CDH12: variants seen among roughly 807,000 people sequenced by gnomAD.
CDH12 encodes the protein cadherin-12.
In CDH12, 41 loss-of-function variants were observed where a neutral mutation model predicts 74.1. The observed-to-expected ratio is 0.55, with a 90% CI of 0.43 to 0.72. CDH12 has a LOEUF of 0.72. Ranked by LOEUF, CDH12 falls within the 30% of genes least tolerant of loss-of-function variation. CDH12 has a pLI of 0.00. For synonymous variants in CDH12, 399 were observed against 355.0 expected (o/e 1.12, Z -1.39); for missense variants, 945 against 977.2 (o/e 0.97, Z 0.44).
chr5:21,990,708 C>T (rs1054148976), intron 5 of CDH12, among the ~76,000 whole-genome samples: 15 of 151,536 alleles, frequency 9.9e-5, no homozygotes, highest in Admixed American at 5.3e-4. Context: ...TGTGTCTAAA[C>T]CCACTTTAAT....
intron 1 of CDH12, among the ~76,000 whole-genome samples, chr5:22,794,476 G>C (rs1748086700): frequency 6.6e-6 from 1 of 152,148 alleles, no homozygotes; most frequent in African/African-American, 2.4e-5. Flanking sequence ...TGGGTCCACA[G>C]TCAAATATGT....
At chr5:21,971,821 C>T (rs1389350085) in intron 6 of CDH12, among the ~76,000 whole-genome samples, 2 of 152,002 alleles carry the variant, frequency 1.3e-5, no homozygotes, top group South Asian at 2.1e-4. Context: ...AAGTAATTTC[C>T]GGAGGTCAGA....
At chr5:22,275,499 C>T (rs556383317) in intron 3 of CDH12, among the ~76,000 whole-genome samples, 83 of 151,924 alleles carry the variant, frequency 5.5e-4, no homozygotes, top group African/African-American at 1.7e-3. Flanking sequence ...CTTTACTTAG[C>T]GGTAAAGAGA....
At chr5:21,835,359 A>ATG (rs1262545158) in intron 8 of CDH12, among the ~76,000 whole-genome samples, 28 of 149,218 alleles carry the variant, frequency 1.9e-4, no homozygotes, top group African/African-American at 6.9e-4. Context: ...TATGTTACGT[A>ATG]TGTGTGTGTA....
chr5:21,817,816 TA>T (rs1748146363), intron 8 of CDH12, among the ~76,000 whole-genome samples: 1 of 150,946 alleles, frequency 6.6e-6, no homozygotes, highest in East Asian at 2.0e-4. Flanking sequence ...TTAATAGCAT[TA>T]AGAAAGAAAA....
At chr5:22,399,918 C>A (rs750936443) in intron 3 of CDH12, among the ~76,000 whole-genome samples, 10 of 152,164 alleles carry the variant, frequency 6.6e-5, no homozygotes, top group Non-Finnish European at 1.3e-4. Context: ...CCAACAAAAT[C>A]TCTTAAAATA....
intron 5 of CDH12, among the ~76,000 whole-genome samples, chr5:21,989,169 T>C (rs1390334229): frequency 1.3e-5 from 2 of 152,188 alleles, no homozygotes; most frequent in Non-Finnish European, 2.9e-5. Context: ...CACAAGATTG[T>C]CAACAATAAG....
chr5:22,577,244 G>A (rs994667058), intron 1 of CDH12, among the ~76,000 whole-genome samples: 3 of 152,200 alleles, frequency 2.0e-5, no homozygotes, highest in Non-Finnish European at 4.4e-5. Context: ...AGCATGCAAA[G>A]TGTGTGGGAA....
chr5:21,927,329 T>C (rs1754629849), intron 6 of CDH12, among the ~76,000 whole-genome samples: 1 of 152,052 alleles, frequency 6.6e-6, no homozygotes, highest in Non-Finnish European at 1.5e-5. Flanking sequence ...CTCACGCCTG[T>C]AATCCTAACA....
rs1748640363 is a variant in CDH12, at chr5:22,165,620, A to G, written c.-187+46878T>C. Reference sequence around the variant, plus strand: ...GAGGCCTTTGAACCACAGCAACTCCATCTTGAGTAGGGGCTGGGTAAAATA... The same window carrying G: ...GAGGCCTTTGAACCACAGCAACTCCGTCTTGAGTAGGGGCTGGGTAAAATA... On this transcript the variant is annotated intron_variant, in intron 4 of 14. Coordinates refer to ENST00000382254, the MANE Select transcript of CDH12 (RefSeq NM_004061.5). Among the ~76,000 whole-genome samples, 3 of 152,160 alleles carry G rather than the reference A, an allele frequency of 2.0e-5. No individual in the cohort carries two copies. In the South Asian group the frequency reaches 6.2e-4, roughly 32 times the overall value.
intron 6 of CDH12, among the ~76,000 whole-genome samples, chr5:21,973,455 T>C (rs190977680): frequency 9.3e-4 from 142 of 152,308 alleles, no homozygotes; most frequent in African/African-American, 3.2e-3. Flanking sequence ...CCAAATATAT[T>C]TCTCTCTTTG....
At chr5:22,390,368 A>T (rs1352334737) in intron 3 of CDH12, among the ~76,000 whole-genome samples, 2 of 152,232 alleles carry the variant, frequency 1.3e-5, no homozygotes, top group African/African-American at 4.8e-5. Flanking sequence ...TCAAATGATC[A>T]TAATTTTTGT....
intron 4 of CDH12, among the ~76,000 whole-genome samples, chr5:22,196,105 G>C (rs113573378): frequency 6.6e-6 from 1 of 151,270 alleles, no homozygotes; most frequent in Non-Finnish European, 1.5e-5. Flanking sequence ...GTGGGTGTGT[G>C]TGCATATGTG....
chr5:22,331,740 T>C (rs770300538), intron 3 of CDH12, among the ~76,000 whole-genome samples: 14 of 152,172 alleles, frequency 9.2e-5, no homozygotes, highest in Non-Finnish European at 2.1e-4. Context: ...GCTGTTTTGA[T>C]GAAACTCAAA....
chr5:21,955,334 A>G (rs974317020), intron 6 of CDH12, among the ~76,000 whole-genome samples: 1 of 151,954 alleles, frequency 6.6e-6, no homozygotes, highest in African/African-American at 2.4e-5. Context: ...TAATTAGAAA[A>G]AGGCAAATTA....
chr5:22,393,288 C>A (rs1414415859), intron 3 of CDH12, among the ~76,000 whole-genome samples: 1 of 152,040 alleles, frequency 6.6e-6, no homozygotes, highest in Non-Finnish European at 1.5e-5. Flanking sequence ...TGGCCATAAG[C>A]CAAGGAAGTC....
intron 5 of CDH12, among the ~76,000 whole-genome samples, chr5:22,009,119 A>G (rs1040123403): frequency 2.6e-5 from 4 of 152,216 alleles, no homozygotes; most frequent in Non-Finnish European, 5.9e-5. Flanking sequence ...TTCTAATGCC[A>G]TCAAGAGAAC....
At chr5:22,827,989 A>G (rs1039883361) in intron 1 of CDH12, among the ~76,000 whole-genome samples, 2 of 152,206 alleles carry the variant, frequency 1.3e-5, no homozygotes, top group Non-Finnish European at 2.9e-5. Context: ...GTAAAATAAT[A>G]TGGGCATTTG....
rs113750015 is a variant in CDH12 at position 21,916,510 on chromosome 5, A to AT, written c.526+58580dup. On this transcript the variant is annotated intron_variant, in intron 6 of 14. Transcript: ENST00000382254. ...TCAAAACTTCATTTTCATTTTTTCC[A>AT]TTTTTTTTTTTCTTGGCAGATTAGG... is the stretch of plus-strand genomic sequence containing the variant. Among the ~76,000 whole-genome samples, 376 of 19,434 alleles carry AT rather than the reference A, an allele frequency of 0.019. No homozygotes were observed. In the Middle Eastern group the frequency reaches 0.2, roughly 10 times the overall value. The allele number at this position is 19,434 out of a possible 152,430, so 12.7% of individuals were successfully genotyped here. A position where few individuals can be genotyped will look rare whatever the true frequency, so the allele number is the denominator to read the frequency against.
Sources: gnomAD v4.1 joint callset for allele counts (sites outside exome capture counted in the v4.1 genomes callset) on GRCh38, gnomAD v4.1.1 for gene constraint, MANE v1.5 for transcripts, NCBI Gene and HGNC (gene_info 2026-07-23, HGNC 2026-07-21) for gene names.